Variants in DYSF observed in about 807,000 individuals in gnomAD.
DYSF encodes the protein dystrophy-associated fer-1-like 1.
A neutral mutation model predicts 274.9 loss-of-function variants in DYSF; 212 were observed. The observed-to-expected ratio is 0.77, with a 90% CI of 0.69 to 0.86. DYSF has a LOEUF of 0.86. DYSF is among the 40% of genes least tolerant of loss of function. The pLI, the probability that DYSF is intolerant of heterozygous loss-of-function variation, is 0.00. For missense variants in DYSF, 2,666 were observed against 2,783.2 expected (o/e 0.96, Z 0.95); for synonymous variants, 1,091 against 1,078.7 (o/e 1.01, Z -0.22).
chr2:71,481,734 C>G (rs1558966652), intron 2 of DYSF, 145 bp from the exon 3 acceptor site: 1 of 676,162 alleles, frequency 1.5e-6, no homozygotes, highest in African/African-American at 1.8e-5. Flanking sequence ...ATCCATGCTT[C>G]CATCCATCCA....
chr2:71,617,855 GGT>G (rs1311930351), intron 40 of DYSF, among the ~76,000 whole-genome samples: 53 of 39,446 alleles, frequency 1.3e-3, no homozygotes, highest in Middle Eastern at 0.016. Flanking sequence ...GTAGAGATGG[GGT>G]GTGTGTGTGT....
At chr2:71,620,421 C>A in intron 40 of DYSF, 126 bp from the exon 41 acceptor site, 2 of 1,011,322 alleles carry the variant, frequency 2.0e-6, no homozygotes, top group African/African-American at 1.6e-5. Flanking sequence ...AACTCCAAAG[C>A]ACATGTTCTC....
chr2:71,614,563 T>C (rs1431269079), intron 40 of DYSF, among the ~76,000 whole-genome samples: 1 of 152,188 alleles, frequency 6.6e-6, no homozygotes, highest in East Asian at 1.9e-4. Flanking sequence ...CTTTCCTGGC[T>C]CCTCTTCTCC....
chr2:71,674,175 C>T (rs1223580115), intron 51 of DYSF, 22 bp from the exon 52 acceptor site: 1 of 1,610,588 alleles, frequency 6.2e-7, no homozygotes, highest in Non-Finnish European at 8.5e-7. Flanking sequence ...TTGCATCCTT[C>T]TCTGTTCCTC....
chr2:71,669,267 G>A (rs542991391), intron 50 of DYSF, 60 bp downstream of exon 50: 1 of 1,383,734 alleles, frequency 7.2e-7, no homozygotes, highest in Non-Finnish European at 1.0e-6. Flanking sequence ...CTCCCTCTGG[G>A]TTGTGCACAG....
chr2:71,583,077 T>C (rs937849498), intron 30 of DYSF, among the ~76,000 whole-genome samples: 1 of 147,992 alleles, frequency 6.8e-6, no homozygotes, highest in Non-Finnish European at 1.5e-5. Context: ...AAAGAGAAAT[T>C]AGAATGATTT....
chr2:71,642,798 G>C (rs1479369532), intron 41 of DYSF, among the ~76,000 whole-genome samples: 1 of 152,224 alleles, frequency 6.6e-6, no homozygotes, highest in Non-Finnish European at 1.5e-5. Flanking sequence ...GCACCAGCTT[G>C]TGTTTGCCTT....
At chr2:71,606,731 G>T (rs143070967) in intron 36 of DYSF, among the ~76,000 whole-genome samples, 7 of 152,280 alleles carry the variant, frequency 4.6e-5, no homozygotes, top group African/African-American at 1.7e-4. Context: ...GACGTTTCTG[G>T]AGCGTCTTGG....
chr2:71,632,950 C>T (rs2094339575), intron 41 of DYSF, among the ~76,000 whole-genome samples: 2 of 152,220 alleles, frequency 1.3e-5, no homozygotes, highest in African/African-American at 4.8e-5. Context: ...CATGTAGTCT[C>T]TGGGCCTTTG....
intron 55 of DYSF, among the ~76,000 whole-genome samples, chr2:71,685,462 A>T (rs1286341004): frequency 1.3e-5 from 2 of 152,186 alleles, no homozygotes; most frequent in Non-Finnish European, 2.9e-5. Context: ...CAAGTCACTC[A>T]TTCATTTGGC....
intron 30 of DYSF, among the ~76,000 whole-genome samples, chr2:71,579,983 A>C (rs1176373121): frequency 6.6e-6 from 1 of 152,220 alleles, no homozygotes; most frequent in Non-Finnish European, 1.5e-5. Flanking sequence ...TGCTTAACCA[A>C]GGTCCAGGCA....
At chr2:71,654,470 C>A (rs529531343) in intron 42 of DYSF, among the ~76,000 whole-genome samples, 3 of 152,022 alleles carry the variant, frequency 2.0e-5, no homozygotes, top group Non-Finnish European at 2.9e-5. Context: ...ACTCCCACAC[C>A]GTATAAGTGG....
intron 14 of DYSF, 44 bp from the exon 15 acceptor site, chr2:71,534,977 C>A (rs1371298314): frequency 1.2e-6 from 2 of 1,606,128 alleles, no homozygotes; most frequent in Admixed American, 1.7e-5. Context: ...AGCCCAGAGT[C>A]CCCATGGAGC....
chr2:71,600,554 GAGC>G, intron 33 of DYSF, 145 bp from the exon 34 acceptor site: 1 of 1,111,382 alleles, frequency 9.0e-7, no homozygotes, highest in South Asian at 1.3e-5. Context: ...CTGCTAAGGA[GAGC>G]AGAATTCACC....
At chr2:71,504,902 C>T (rs995363187) in intron 4 of DYSF, among the ~76,000 whole-genome samples, 1 of 152,218 alleles carries the variant, frequency 6.6e-6, no homozygotes, top group Non-Finnish European at 1.5e-5. Flanking sequence ...TTCATGTTTA[C>T]CAGCGGGGAG....
intron 14 of DYSF, among the ~76,000 whole-genome samples, chr2:71,529,269 C>T (rs1349122311): frequency 6.6e-6 from 1 of 152,188 alleles, no homozygotes; most frequent in East Asian, 1.9e-4. Flanking sequence ...AAACTTGTCC[C>T]CAGGGCCCAT....
chr2:71,455,331 G>A (rs1442454912), intron 1 of DYSF, among the ~76,000 whole-genome samples: 1 of 152,216 alleles, frequency 6.6e-6, no homozygotes, highest in Non-Finnish European at 1.5e-5. Flanking sequence ...CAGAGCTTGA[G>A]GAGGAGTTGC....
chr2:71,598,679 C>T lies in DYSF; in HGVS notation c.3690C>T (p.Gly1230=), dbSNP rs766754391. The change falls in exon 33 of 56, where the codon GGC becomes GGT. Residue 1230 remains glycine, a synonymous_variant. Coordinates refer to ENST00000410020, the MANE Select transcript of DYSF (RefSeq NM_001130987.2). ...TLIFYEIEIF[G]EPATVAEQPP... ...TCTTCTACGAGATCGAGATCTTTGG[C>T]GAGCCGGCCACAGTTGCTGAGCAAC... is the stretch of plus-strand genomic sequence containing the variant. 1.3e-5 allele frequency: 21 copies of T among 1,613,994 alleles called. No homozygotes were observed. Among genetic ancestry groups the T allele is most frequent in the Middle Eastern group, 1.6e-4 (1 of 6,062 alleles).
At chr2:71,566,377 A>AG (rs2092109169) in intron 24 of DYSF, among the ~76,000 whole-genome samples, 1 of 148,058 alleles carries the variant, frequency 6.8e-6, no homozygotes, top group Non-Finnish European at 1.5e-5. Flanking sequence ...AAAAAAAAAA[A>AG]GATATAGAAT....
Sources: gnomAD v4.1 joint callset for allele counts (sites outside exome capture counted in the v4.1 genomes callset) on GRCh38, gnomAD v4.1.1 for gene constraint, MANE v1.5 for transcripts, NCBI Gene and HGNC (gene_info 2026-07-23, HGNC 2026-07-21) for gene names.